The following HEXD variants were observed in gnomAD, a reference collection of about 807,000 sequenced individuals.
The protein encoded by HEXD is N-acetyl-beta-galactosaminidase.
HEXD carries 47 observed loss-of-function variants against 54.2 expected under a neutral mutation model. The observed-to-expected ratio is 0.87, with a 90% CI of 0.69 to 1.11. The LOEUF (loss-of-function observed/expected upper bound fraction) is 1.11. HEXD is among the 50% of genes least tolerant of loss of function. The pLI is 0.00. For synonymous variants in HEXD, 293 were observed against 287.6 expected (o/e 1.02, Z -0.19); for missense variants, 576 against 649.2 (o/e 0.89, Z 1.23).
intron 4 of HEXD, among the ~76,000 whole-genome samples, chr17:82,430,578 G>A (rs2053547094): frequency 6.6e-6 from 1 of 152,046 alleles, no homozygotes; most frequent in Non-Finnish European, 1.5e-5. Flanking sequence ...TATTAGAGAT[G>A]AGGTTTCAAG....
At chr17:82,432,971 C>T (rs1262711531) in intron 4 of HEXD, among the ~76,000 whole-genome samples, 1 of 141,092 alleles carries the variant, frequency 7.1e-6, no homozygotes, top group Non-Finnish European at 1.5e-5. Context: ...GAGGCTGAGG[C>T]AGGAGAATGG....
intron 9 of HEXD, chr17:82,440,398 G>C (rs1187969603): frequency 2.9e-6 from 3 of 1,029,072 alleles, no homozygotes; most frequent in East Asian, 6.1e-5. Flanking sequence ...TGCTTAGAAA[G>C]GGGCAGAAAC....
chr17:82,440,236 A>G (rs768536454), intron 9 of HEXD: 2 of 1,289,020 alleles, frequency 1.6e-6, no homozygotes, highest in South Asian at 1.2e-5. Flanking sequence ...CACACGGGAA[A>G]TTAGCGACTG....
At position 82,433,142 on chromosome 17, in the gene HEXD, TTTA is replaced by T. The variant is rs1349559916; in HGVS notation, c.283-514_283-512del. On this transcript the variant is annotated intron_variant, in intron 4 of 12. Transcript: ENST00000327949. ...TATATATATATATTTTTTTTTTTTT[TTTA>T]TATATATATTTTTAGTCTGGGCGTG... Among the ~76,000 whole-genome samples, 8 of 41,078 alleles carry T rather than the reference TTTA, an allele frequency of 1.9e-4. 1 individual carries two copies. The highest frequency in any genetic ancestry group is 6.5e-4 in the African/African-American group (4 of 6,120). The allele number at this position is 41,078 out of a possible 152,430, so 26.9% of individuals were successfully genotyped here.
chr17:82,428,558 C>T lies in HEXD; in HGVS notation c.195C>T (p.Ser65=). 6.2e-7 allele frequency: 1 copy of T among 1,612,860 alleles called. No individual in the cohort carries two copies. The highest frequency in any genetic ancestry group is 8.5e-7 in the Non-Finnish European group (1 of 1,178,930). The change falls in exon 4 of 13, where the codon AGC becomes AGT. Residue 65 remains serine, a splice_region_variant and synonymous_variant. Transcript: ENST00000327949. ...LRLLRAKYAY[S]PSEIKEILHL... is the part of the protein sequence containing the mutation. ...CTCTCTATGAATTTTGTCTCTCCAG[C>T]CCCTCTGAAATCAAAGAGATCTTGC...
intron 9 of HEXD, 138 bp downstream of exon 9, chr17:82,439,851 C>G (rs2053878946): frequency 1.9e-6 from 3 of 1,547,116 alleles, no homozygotes; most frequent in East Asian, 2.4e-5. Flanking sequence ...TCTCACCGCC[C>G]CAGCTCAGCC....
intron 4 of HEXD, among the ~76,000 whole-genome samples, chr17:82,430,251 C>T (rs1415360826): frequency 6.6e-6 from 1 of 152,214 alleles, no homozygotes; most frequent in Non-Finnish European, 1.5e-5. Context: ...CAGAAGTGAT[C>T]GCCACAAACC....
At chr17:82,422,854 C>T (rs1230391652) in intron 2 of HEXD, among the ~76,000 whole-genome samples, 2 of 152,024 alleles carry the variant, frequency 1.3e-5, no homozygotes, top group Non-Finnish European at 2.9e-5. Context: ...GTCAGGAGTT[C>T]GAGACCAGCC....
At chr17:82,430,323 G>A (rs548607371) in intron 4 of HEXD, among the ~76,000 whole-genome samples, 8 of 152,284 alleles carry the variant, frequency 5.3e-5, no homozygotes, top group South Asian at 4.1e-4. Context: ...CAAAATCAGC[G>A]TGTCGAAGGG....
intron 11 of HEXD, among the ~76,000 whole-genome samples, 184 bp from the exon 12 acceptor site, chr17:82,441,616 A>T (rs1342863879): frequency 1.3e-5 from 2 of 152,008 alleles, no homozygotes; most frequent in East Asian, 3.9e-4. Context: ...GGTGAGGGGC[A>T]GGTTCACAAG....
At chr17:82,436,417 T>A (rs1474398357) in intron 6 of HEXD, among the ~76,000 whole-genome samples, 3 of 152,240 alleles carry the variant, frequency 2.0e-5, no homozygotes, top group African/African-American at 7.2e-5. Flanking sequence ...TTCAGCCGCG[T>A]GCTCCAGCTG....
rs1325833012 is a variant in HEXD, at chr17:82,434,264, A to C, written c.447+442A>C. Reference sequence around the variant, plus strand: ...TCTGCATTTGGACCCTGAAGCACCCAATGGAAAAGGTGGTCCCCAGGGGGT... The same window carrying C: ...TCTGCATTTGGACCCTGAAGCACCCCATGGAAAAGGTGGTCCCCAGGGGGT... On this transcript the variant is annotated intron_variant, in intron 5 of 12. Coordinates refer to ENST00000327949, the MANE Select transcript of HEXD (RefSeq NM_001330542.2). The surrounding 1 kb of genome is among the most constrained non-coding windows in gnomAD (Gnocchi z 4.5). 6.6e-6 allele frequency among the ~76,000 whole-genome samples: 1 copy of C among 152,164 alleles called. No homozygotes were observed. Among genetic ancestry groups the C allele is most frequent in the Non-Finnish European group, 1.5e-5 (1 of 68,020 alleles).
In HEXD at chr17:82,434,266, T is replaced by C. The variant is rs1245730856; in HGVS notation, c.447+444T>C. ...TGCATTTGGACCCTGAAGCACCCAA[T>C]GGAAAAGGTGGTCCCCAGGGGGTGC... On this transcript the variant is annotated intron_variant, in intron 5 of 12. Coordinates refer to ENST00000327949, the MANE Select transcript of HEXD (RefSeq NM_001330542.2). The surrounding 1 kb of genome is among the most constrained non-coding windows in gnomAD (Gnocchi z 4.5). 6.6e-6 allele frequency among the ~76,000 whole-genome samples: 1 copy of C among 152,130 alleles called. No homozygotes were observed. Among genetic ancestry groups the C allele is most frequent in the East Asian group, 1.9e-4 (1 of 5,172 alleles).
rs8079661 is a variant in HEXD, at chr17:82,434,484, T to A, written c.447+662T>A. 2.6e-5 allele frequency among the ~76,000 whole-genome samples: 4 copies of A among 152,206 alleles called. No homozygotes were observed. Among genetic ancestry groups the A allele is most frequent in the Non-Finnish European group, 5.9e-5 (4 of 68,038 alleles). On this transcript the variant is annotated intron_variant, in intron 5 of 12. Transcript: ENST00000327949. The surrounding 1 kb of genome is among the most constrained non-coding windows in gnomAD (Gnocchi z 4.5). ...GCTGAACATTTTAGCCCCAGAAGTT[T>A]CCTTTTTTTGAAGGAAACCTGAGTA...
rs1322620814 is a variant in HEXD at position 82,418,386 on chromosome 17, C to G, written c.-406C>G. 4 of 1,458,078 alleles carry G rather than the reference C, an allele frequency of 2.7e-6. No homozygotes were observed. The African/African-American group carries it at 4.4e-5, about 16-fold the overall frequency. 90.3% of individuals were successfully genotyped at this position (1,458,078 alleles called of 1,614,324 possible). A position where few individuals can be genotyped will look rare whatever the true frequency, so the allele number is the denominator to read the frequency against. ...CATGGCCCTGTCCGCCGCCGCAGCGCGCGCCCTTCCCCTCCTCACCGCTAC... is the reference window on the plus strand; with the variant it reads ...CATGGCCCTGTCCGCCGCCGCAGCGGGCGCCCTTCCCCTCCTCACCGCTAC... On this transcript the variant is annotated 5_prime_UTR_variant, in exon 1 of 13. Coordinates refer to ENST00000327949, the MANE Select transcript of HEXD (RefSeq NM_001330542.2).
At position 82,418,497 on chromosome 17, in the gene HEXD, G is replaced by T. The variant is rs936838576; in HGVS notation, c.-295G>T. ...CGCTGAGGAGCCATCGGACCAGGCC[G>T]CCGCGGAGCCGGGCCGGACGCGGGC... On this transcript the variant is annotated 5_prime_UTR_variant, in exon 1 of 13. Transcript: ENST00000327949. 2.2e-6 allele frequency: 3 copies of T among 1,370,110 alleles called. No individual in the cohort carries two copies. The highest frequency in any genetic ancestry group is 1.9e-6 in the Non-Finnish European group (2 of 1,062,772). 84.9% of individuals were successfully genotyped at this position (1,370,110 alleles called of 1,614,324 possible). A position where few individuals can be genotyped will look rare whatever the true frequency, so the allele number is the denominator to read the frequency against.
In HEXD at chr17:82,418,506, C is replaced by G. The variant is rs1054018061; in HGVS notation, c.-286C>G. 164 of 1,328,548 alleles carry G rather than the reference C, an allele frequency of 1.2e-4. No individual in the cohort carries two copies. The highest frequency in any genetic ancestry group is 1.5e-4 in the Non-Finnish European group (156 of 1,038,598). The allele number at this position is 1,328,548 out of a possible 1,614,324, so 82.3% of individuals were successfully genotyped here. On this transcript the variant is annotated 5_prime_UTR_variant, in exon 1 of 13. Transcript: ENST00000327949. ...GCCATCGGACCAGGCCGCCGCGGAG[C>G]CGGGCCGGACGCGGGCGCCAGGCCC... is the stretch of plus-strand genomic sequence containing the variant.
rs778425331 is a variant in HEXD, at chr17:82,436,667, C to G, written c.632C>G (p.Ala211Gly). 6.2e-7 allele frequency: 1 copy of G among 1,609,188 alleles called. No homozygotes were observed. The highest frequency in any genetic ancestry group is 1.7e-5 in the Admixed American group (1 of 59,670). The change falls in exon 7 of 13, where the codon GCG becomes GGG. Residue 211 changes from alanine to glycine, a missense_variant and splice_region_variant. Transcript: ENST00000327949. ...LRDLPEDQLAASGVPQLVEPV... is the reference protein window; with the variant it reads ...LRDLPEDQLAGSGVPQLVEPV... The stretch of plus-strand genomic sequence containing the variant: ...AACCTCACGTCCGCTCTGTCTGCAG[C>G]GTCCGGGGTGCCGCAGCTGGTGGAG...
At chr17:82,433,119 T>A (rs1567890560) in intron 4 of HEXD, among the ~76,000 whole-genome samples, 2 of 15,392 alleles carry the variant, frequency 1.3e-4, no homozygotes, top group Non-Finnish European at 1.8e-4. Flanking sequence ...TATATATATA[T>A]ATATATATAT....
Sources: gnomAD v4.1 joint callset for allele counts (sites outside exome capture counted in the v4.1 genomes callset) on GRCh38, gnomAD v4.1.1 for gene constraint, Gnocchi (gnomAD v3.1) non-coding constraint, MANE v1.5 for transcripts, NCBI Gene and HGNC (gene_info 2026-07-23, HGNC 2026-07-21) for gene names.